Variants in PTPRN2 observed in about 807,000 individuals in gnomAD.
PTPRN2 encodes protein tyrosine phosphatase receptor type N2.
Under a neutral mutation model 118.8 loss-of-function variants are expected in PTPRN2, and 74 were observed. The observed-to-expected ratio is 0.62, with a 90% CI of 0.52 to 0.76. The LOEUF (loss-of-function observed/expected upper bound fraction) is 0.76. Ranked by LOEUF, PTPRN2 falls within the 30% of genes least tolerant of loss-of-function variation. The probability of loss-of-function intolerance (pLI) is 0.00; values close to 1 mark genes in which losing one functional copy is unlikely to be tolerated. For missense variants in PTPRN2, 1,481 were observed against 1,394.4 expected (o/e 1.06, Z -0.99); for synonymous variants, 641 against 608.0 (o/e 1.05, Z -0.80).
In PTPRN2 at chr7:158,428,169, G is replaced by A. The variant is rs533653901; in HGVS notation, c.163+61566C>T. Among the ~76,000 whole-genome samples, 35 of 152,376 alleles carry A rather than the reference G, an allele frequency of 2.3e-4. No individual in the cohort carries two copies. In the South Asian group the frequency reaches 6.2e-3, roughly 27 times the overall value. Reference sequence around the variant, plus strand: ...GTGTCTTTAAACTGGGGCCACGAATGAAATTCACTCCTGTAAGAGGGCAGG... The same window carrying A: ...GTGTCTTTAAACTGGGGCCACGAATAAAATTCACTCCTGTAAGAGGGCAGG... On this transcript the variant is annotated intron_variant, in intron 2 of 22. Transcript: ENST00000389418.
chr7:158,415,074 ATGATACAACCAGCTAC>A, intron 2 of PTPRN2, among the ~76,000 whole-genome samples: 1 of 151,510 alleles, frequency 6.6e-6, no homozygotes, highest in Non-Finnish European at 1.5e-5. Flanking sequence ...TACTTCTCTG[ATGATACAACCAGCTAC>A]TTCTCTGATG....
At chr7:158,102,980 G>A (rs1311604712) in intron 10 of PTPRN2, among the ~76,000 whole-genome samples, 1 of 152,204 alleles carries the variant, frequency 6.6e-6, no homozygotes, top group Admixed American at 6.5e-5. Flanking sequence ...GACGGGACAG[G>A]AGCTGGGGCA....
At chr7:157,604,775 G>A (rs574061798) in intron 15 of PTPRN2, among the ~76,000 whole-genome samples, 1 of 152,354 alleles carries the variant, frequency 6.6e-6, no homozygotes, top group South Asian at 2.1e-4. Context: ...TGCTGAAGCC[G>A]GGCGCAGCGG....
chr7:158,274,367 C>T (rs1482406861), intron 3 of PTPRN2, among the ~76,000 whole-genome samples: 2 of 124,604 alleles, frequency 1.6e-5, no homozygotes, highest in African/African-American at 3.2e-5. Context: ...CAGGGGGAGC[C>T]GCAGACACAG....
chr7:158,016,040 G>T (rs761137543), intron 11 of PTPRN2, among the ~76,000 whole-genome samples: 1 of 152,180 alleles, frequency 6.6e-6, no homozygotes, highest in Non-Finnish European at 1.5e-5. Flanking sequence ...TGCATGGCCT[G>T]ACACCCGCTG....
intron 18 of PTPRN2, among the ~76,000 whole-genome samples, chr7:157,576,983 C>T (rs890304360): frequency 1.4e-4 from 22 of 152,216 alleles, no homozygotes; most frequent in Non-Finnish European, 4.4e-5. Flanking sequence ...TAGCTCCGTG[C>T]GGGTGTGTGT....
chr7:158,433,849 G>A (rs1023480579), intron 2 of PTPRN2, among the ~76,000 whole-genome samples: 3 of 151,984 alleles, frequency 2.0e-5, no homozygotes, highest in Non-Finnish European at 2.9e-5. Flanking sequence ...GCTTTAACTT[G>A]ATCCCAAAAT....
chr7:158,340,597 T>A (rs1415284096), intron 2 of PTPRN2, among the ~76,000 whole-genome samples: 8 of 110,326 alleles, frequency 7.3e-5, no homozygotes, highest in Middle Eastern at 4.4e-3. Flanking sequence ...CCCGCAGACA[T>A]CACTCACACC....
chr7:158,206,718 G>A (rs1827181771), intron 3 of PTPRN2, among the ~76,000 whole-genome samples: 1 of 152,144 alleles, frequency 6.6e-6, no homozygotes, highest in Non-Finnish European at 1.5e-5. Context: ...AAATTACTGG[G>A]CTTTGAGTGG....
chr7:157,679,774 A>G (rs1796834095), intron 13 of PTPRN2, among the ~76,000 whole-genome samples: 1 of 152,288 alleles, frequency 6.6e-6, no homozygotes, highest in African/African-American at 2.4e-5. Context: ...GAGGCGGACA[A>G]ATGCTTTAGC....
chr7:157,781,054 CCTT>C (rs759882153), intron 12 of PTPRN2, among the ~76,000 whole-genome samples: 4 of 152,176 alleles, frequency 2.6e-5, no homozygotes, highest in Non-Finnish European at 5.9e-5. Flanking sequence ...ACATGCGGCT[CCTT>C]CTAGCCATGC....
At chr7:157,921,235 A>G (rs1316078399) in intron 11 of PTPRN2, among the ~76,000 whole-genome samples, 1 of 152,220 alleles carries the variant, frequency 6.6e-6, no homozygotes, top group Non-Finnish European at 1.5e-5. Flanking sequence ...TGGAAAGGCT[A>G]CACACTGCAT....
At chr7:157,906,999 C>A (rs1161002517) in intron 11 of PTPRN2, among the ~76,000 whole-genome samples, 2 of 152,214 alleles carry the variant, frequency 1.3e-5, no homozygotes, top group Non-Finnish European at 2.9e-5. Flanking sequence ...ATCCTGAGAT[C>A]CCGAGATCCT....
At chr7:157,663,048 C>T (rs1295958895) in intron 13 of PTPRN2, among the ~76,000 whole-genome samples, 2 of 151,950 alleles carry the variant, frequency 1.3e-5, no homozygotes, top group African/African-American at 2.4e-5. Context: ...TGCCTCACGC[C>T]GTATCTCAGG....
At chr7:158,180,449 G>T (rs1824603047) in intron 5 of PTPRN2, among the ~76,000 whole-genome samples, 2 of 152,088 alleles carry the variant, frequency 1.3e-5, no homozygotes, top group Non-Finnish European at 2.9e-5. Context: ...GATTGCTTTT[G>T]CTATTTGGGC....
At chr7:158,424,647 G>T (rs1815548219) in intron 2 of PTPRN2, among the ~76,000 whole-genome samples, 1 of 152,258 alleles carries the variant, frequency 6.6e-6, no homozygotes. Flanking sequence ...TGAGACGCCC[G>T]CAGAGCGCGG....
chr7:158,182,644 G>T (rs1052226390), intron 5 of PTPRN2, among the ~76,000 whole-genome samples: 1 of 152,186 alleles, frequency 6.6e-6, no homozygotes, highest in African/African-American at 2.4e-5. Context: ...CCCTCCAAGG[G>T]ACATGATCTC....
At chr7:158,305,271 C>A (rs571998148) in intron 3 of PTPRN2, among the ~76,000 whole-genome samples, 15 of 152,302 alleles carry the variant, frequency 9.8e-5, no homozygotes, top group African/African-American at 3.6e-4. Context: ...CCAAGAGTGG[C>A]TTCTTTCCTT....
At chr7:158,198,973 T>C (rs1485063886) in intron 4 of PTPRN2, among the ~76,000 whole-genome samples, 1 of 150,694 alleles carries the variant, frequency 6.6e-6, no homozygotes, top group Admixed American at 6.6e-5. Context: ...CCTTAGCATG[T>C]TCTTCTCAGG....
Sources: allele counts gnomAD v4.1 joint callset (sites outside exome capture counted in the v4.1 genomes callset), GRCh38; gene constraint gnomAD v4.1.1; transcripts MANE v1.5; gene names NCBI Gene and HGNC (gene_info 2026-07-23, HGNC 2026-07-21).